NYAP2: variants seen among roughly 807,000 people sequenced by gnomAD.
NYAP2 encodes neuronal tyrosine-phosphorylated phosphoinositide-3-kinase adapter 2.
NYAP2 carries 23 observed loss-of-function variants against 50.4 expected under a neutral mutation model. That is an observed-to-expected ratio of 0.46 (90% CI 0.33 to 0.65). The LOEUF is 0.65. Ranked by LOEUF, NYAP2 falls within the 30% of genes least tolerant of loss-of-function variation. The pLI is 0.02. For missense variants in NYAP2, 885 were observed against 861.0 expected (o/e 1.03, Z -0.35); for synonymous variants, 394 against 365.2 (o/e 1.08, Z -0.90).
intron 6 of NYAP2, among the ~76,000 whole-genome samples, chr2:225,646,610 G>T (rs921050648): frequency 6.6e-6 from 1 of 152,182 alleles, no homozygotes; most frequent in Admixed American, 6.5e-5. Context: ...CTGTATGTGT[G>T]TGTGTCTGTG....
At chr2:225,655,850 C>T (rs545203230), downstream of NYAP2, among the ~76,000 whole-genome samples, 1 of 141,092 alleles carries the variant, frequency 7.1e-6, no homozygotes, top group South Asian at 2.5e-4. Context: ...ATTTGTTTTT[C>T]TAGGAAGGAA....
intron 4 of NYAP2, among the ~76,000 whole-genome samples, chr2:225,557,901 A>G (rs1691806531): frequency 1.3e-5 from 2 of 152,216 alleles, no homozygotes; most frequent in South Asian, 4.1e-4. Flanking sequence ...TGTTTCTAAC[A>G]AAGCTACAAT....
chr2:225,645,156 G>A (rs969660264), intron 6 of NYAP2, among the ~76,000 whole-genome samples: 1 of 151,646 alleles, frequency 6.6e-6, no homozygotes, highest in Non-Finnish European at 1.5e-5. Context: ...TACTCTGAAT[G>A]CTGAGGCAAA....
chr2:225,398,450 C>A (rs1694805890), upstream of NYAP2, among the ~76,000 whole-genome samples: 1 of 151,594 alleles, frequency 6.6e-6, no homozygotes, highest in South Asian at 2.1e-4. Flanking sequence ...TTGTAAAGAA[C>A]TTTTTCCACC....
intron 5 of NYAP2, among the ~76,000 whole-genome samples, chr2:225,600,439 A>G (rs1307046427): frequency 6.6e-6 from 1 of 152,202 alleles, no homozygotes; most frequent in Non-Finnish European, 1.5e-5. Flanking sequence ...TAGTCCTACA[A>G]AGGCAGTCTA....
intron 3 of NYAP2, among the ~76,000 whole-genome samples, chr2:225,481,428 C>A (rs569973441): frequency 2.0e-5 from 3 of 152,158 alleles, no homozygotes; most frequent in Non-Finnish European, 2.9e-5. Flanking sequence ...ATTTTGTTAC[C>A]TTTACATTTT....
intron 4 of NYAP2, among the ~76,000 whole-genome samples, chr2:225,519,973 G>T (rs936996506): frequency 1.3e-5 from 2 of 152,126 alleles, no homozygotes; most frequent in African/African-American, 4.8e-5. Context: ...TCTAACTGGT[G>T]TGAGATGGTA....
intron 3 of NYAP2, among the ~76,000 whole-genome samples, chr2:225,424,938 A>T (rs1695264446): frequency 6.6e-6 from 1 of 152,268 alleles, no homozygotes; most frequent in Middle Eastern, 3.4e-3. Flanking sequence ...TGAAGTATAT[A>T]AAAAAAGATT....
chr2:225,541,360 T>A (rs1226473768), intron 4 of NYAP2, among the ~76,000 whole-genome samples: 1 of 152,204 alleles, frequency 6.6e-6, no homozygotes, highest in Non-Finnish European at 1.5e-5. Context: ...CAATAAATCT[T>A]TGCCCAGTCC....
rs1017587648 is a variant in NYAP2, at chr2:225,605,977, T to C, written c.1619-20940T>C. ...AATATAAAACAGTGTCTCTTAATCC[T>C]GGTTTTAATTGTGGCCTAGGCATGA... On this transcript the variant is annotated intron_variant, in intron 5 of 6. Coordinates refer to ENST00000636099, the Ensembl canonical transcript of NYAP2. 3.3e-5 allele frequency among the ~76,000 whole-genome samples: 5 copies of C among 152,284 alleles called. No homozygotes were observed. The South Asian group carries it at 1.0e-3, about 32-fold the overall frequency.
At chr2:225,603,663 A>AT (rs1001343189) in intron 5 of NYAP2, among the ~76,000 whole-genome samples, 10 of 151,948 alleles carry the variant, frequency 6.6e-5, no homozygotes, top group African/African-American at 1.5e-4. Context: ...TGTCTCAATG[A>AT]TTTTTTTGGG....
the NYAP2 span, among the ~76,000 whole-genome samples, chr2:225,688,319 G>A: frequency 6.6e-6 from 1 of 152,150 alleles, no homozygotes; most frequent in Admixed American, 6.6e-5. Flanking sequence ...AAAGTGGAAT[G>A]AACTCATTCA....
At chr2:225,662,469 C>T in the NYAP2 span, among the ~76,000 whole-genome samples, 21 of 152,318 alleles carry the variant, frequency 1.4e-4, no homozygotes, top group Non-Finnish European at 2.2e-4. Context: ...AAGACCAAGA[C>T]GTATTCACCA....
intron 3 of NYAP2, among the ~76,000 whole-genome samples, chr2:225,463,573 C>G (rs1027161920): frequency 6.6e-6 from 1 of 152,198 alleles, no homozygotes; most frequent in Non-Finnish European, 1.5e-5. Flanking sequence ...AAAACAAATA[C>G]AAAAATAAGT....
intron 5 of NYAP2, among the ~76,000 whole-genome samples, chr2:225,584,062 A>C (rs72976454): frequency 0.04 from 6,106 of 152,228 alleles, 335 homozygotes; most frequent in African/African-American, 0.13. Context: ...AACAAACAAA[A>C]AAAAAACCTT....
At chr2:225,658,921 T>C (rs1693868917), downstream of NYAP2, among the ~76,000 whole-genome samples, 2 of 152,230 alleles carry the variant, frequency 1.3e-5, no homozygotes, top group Admixed American at 1.3e-4. Flanking sequence ...AACTTTTACA[T>C]ACTTTAGGCA....
At position 225,465,052 on chromosome 2, in the gene NYAP2, CTAGAAGGCAATGCAAGA is replaced by C. The variant is rs377285235; in HGVS notation, c.222-48316_222-48300del. ...ATGGTACAAACTTAGGAATCTAATA[CTAGAAGGCAATGCAAGA>C]TACCATTTTTAAGTATCTAAAAGAG... On this transcript the variant is annotated intron_variant, in intron 3 of 6. Coordinates refer to ENST00000636099, the Ensembl canonical transcript of NYAP2. Among the ~76,000 whole-genome samples, 412 of 152,260 alleles carry C rather than the reference CTAGAAGGCAATGCAAGA, an allele frequency of 2.7e-3. 3 individuals carry two copies. Among genetic ancestry groups the C allele is most frequent in the African/African-American group, 9.3e-3 (385 of 41,546 alleles).
intron 4 of NYAP2, among the ~76,000 whole-genome samples, chr2:225,567,794 T>G (rs1691987440): frequency 2.0e-5 from 3 of 152,104 alleles, no homozygotes; most frequent in Admixed American, 2.0e-4. Context: ...AGTGGTAGTT[T>G]GGTTTGGCCA....
intron 2 of NYAP2, among the ~76,000 whole-genome samples, chr2:225,406,999 A>T (rs56784775): frequency 0.017 from 2,516 of 152,166 alleles, 79 homozygotes; most frequent in African/African-American, 0.058. Context: ...TAGAGGGCAA[A>T]GAAGGAGTGA....
Sources: gnomAD v4.1 joint callset for allele counts (sites outside exome capture counted in the v4.1 genomes callset) on GRCh38, gnomAD v4.1.1 for gene constraint, MANE v1.5 for transcripts, NCBI Gene and HGNC (gene_info 2026-07-23, HGNC 2026-07-21) for gene names.